The following KDM4C variants were observed in gnomAD, a reference collection of about 807,000 sequenced individuals.
KDM4C encodes lysine demethylase 4C, also known as lysine-specific demethylase 4C.
Under a neutral mutation model 129.3 loss-of-function variants are expected in KDM4C, and 81 were observed. The observed-to-expected ratio is 0.63, with a 90% CI of 0.52 to 0.75. The LOEUF (loss-of-function observed/expected upper bound fraction) is 0.75, where lower values mean the gene tolerates loss of function less well. Ranked by LOEUF, KDM4C falls within the 30% of genes least tolerant of loss-of-function variation. KDM4C has a pLI of 0.00. For synonymous variants in KDM4C, 573 were observed against 456.1 expected, an observed-to-expected ratio of 1.26 and a Z score of -3.26; for missense variants, 1,457 against 1,304.0, an observed-to-expected ratio of 1.12 and a Z score of -1.81.
At chr9:6,764,589 AGT>A (rs890777284) in intron 1 of KDM4C, among the ~76,000 whole-genome samples, 75 of 152,218 alleles carry the variant, frequency 4.9e-4, no homozygotes, top group African/African-American at 1.7e-3. Flanking sequence ...TTATTTTAAG[AGT>A]GTGAATGTTT....
chr9:7,168,672 G>A (rs1180586574), intron 20 of KDM4C, among the ~76,000 whole-genome samples: 2 of 152,124 alleles, frequency 1.3e-5, no homozygotes, highest in African/African-American at 2.4e-5. Context: ...GATTTTCCCA[G>A]CTCCTTTGAT....
chr9:6,730,271 A>G lies in KDM4C; in HGVS notation c.49+9274A>G, dbSNP rs997610394. Among the ~76,000 whole-genome samples, 4 of 152,200 alleles carry G rather than the reference A, an allele frequency of 2.6e-5. No homozygotes were observed. The South Asian group carries it at 8.3e-4, about 31-fold the overall frequency. ...ATTCTAAGCTGAAACTTGATACTTT[A>G]TAGTATGGGCTTGTTAATAGAAAAA... On this transcript the variant is annotated intron_variant, in intron 1 of 17. Transcript: ENST00000536108.
intron 15 of KDM4C, among the ~76,000 whole-genome samples, chr9:7,023,783 T>C (rs1825297032): frequency 6.6e-6 from 1 of 152,210 alleles, no homozygotes; most frequent in African/African-American, 2.4e-5. Context: ...TAAACATTCC[T>C]CTTAGTATTG....
chr9:6,848,895 T>G (rs1838335193), intron 4 of KDM4C, among the ~76,000 whole-genome samples: 1 of 152,200 alleles, frequency 6.6e-6, no homozygotes, highest in African/African-American at 2.4e-5. Flanking sequence ...AGGTAAATAT[T>G]TATTTGAAGC....
At chr9:7,122,265 A>ACACACACACACACTCTCTCTCT (rs375655422) in intron 18 of KDM4C, among the ~76,000 whole-genome samples, 21 of 144,824 alleles carry the variant, frequency 1.5e-4, no homozygotes, top group African/African-American at 5.2e-4. Context: ...ACACACACAC[A>ACACACACACACACTCTCTCTCT]CTCTCTCTCT....
intron 5 of KDM4C, among the ~76,000 whole-genome samples, chr9:6,864,625 T>C (rs1440165233): frequency 6.6e-6 from 1 of 151,986 alleles, no homozygotes; most frequent in Non-Finnish European, 1.5e-5. Context: ...TGTGCCAACA[T>C]GCCCAGCTAA....
intron 5 of KDM4C, among the ~76,000 whole-genome samples, chr9:6,851,040 C>T (rs1467747487): frequency 6.6e-6 from 1 of 152,240 alleles, no homozygotes; most frequent in Non-Finnish European, 1.5e-5. Context: ...CAGGCGTGAG[C>T]CACCACGCCT....
intron 17 of KDM4C, among the ~76,000 whole-genome samples, chr9:7,050,442 CAAAAA>C (rs71500910): frequency 1.3e-5 from 1 of 78,278 alleles, no homozygotes; most frequent in Non-Finnish European, 2.6e-5. Context: ...CCCAGATTAC[CAAAAA>C]AAAAAAAAGA....
intron 4 of KDM4C, among the ~76,000 whole-genome samples, chr9:6,836,264 C>T (rs1024442376): frequency 6.6e-6 from 1 of 152,006 alleles, no homozygotes; most frequent in Non-Finnish European, 1.5e-5. Context: ...CCAGCCTGGC[C>T]AACACGGTGA....
At chr9:7,011,995 C>G in intron 13 of KDM4C, 116 bp downstream of exon 13, 1 of 761,154 alleles carries the variant, frequency 1.3e-6, no homozygotes, top group Non-Finnish European at 2.1e-6. Context: ...GGAAGACGTC[C>G]TTAGGTAGCT....
At chr9:7,082,291 G>A (rs1834615677) in intron 17 of KDM4C, among the ~76,000 whole-genome samples, 1 of 152,200 alleles carries the variant, frequency 6.6e-6, no homozygotes. Context: ...AGGCCCATTA[G>A]GAATAATGTG....
rs538301669 is a variant in KDM4C, at chr9:6,845,686, A to G, written c.436-3821A>G. 1.4e-4 allele frequency among the ~76,000 whole-genome samples: 22 copies of G among 152,332 alleles called. 1 individual carries two copies. The South Asian group carries it at 2.9e-3, about 20-fold the overall frequency. On this transcript the variant is annotated intron_variant, in intron 4 of 21. Transcript: ENST00000381309. Reference sequence around the variant, plus strand: ...AGGATACGTAAAGGAATGGGGCAGGACAGGCTCCAACTGGGTAATTGGCAT... The same window carrying G: ...AGGATACGTAAAGGAATGGGGCAGGGCAGGCTCCAACTGGGTAATTGGCAT...
chr9:6,896,426 G>T (rs1183661751), intron 8 of KDM4C, among the ~76,000 whole-genome samples: 2 of 151,592 alleles, frequency 1.3e-5, no homozygotes, highest in East Asian at 1.9e-4. Context: ...AGAGTGTGGG[G>T]TCTGCATACA....
chr9:6,900,554 G>A (rs1174668687), intron 8 of KDM4C, among the ~76,000 whole-genome samples: 2 of 152,190 alleles, frequency 1.3e-5, no homozygotes, highest in Non-Finnish European at 2.9e-5. Flanking sequence ...AGGACTGCTT[G>A]AGCCCAGGAG....
At chr9:7,031,197 C>G (rs946991834) in intron 15 of KDM4C, among the ~76,000 whole-genome samples, 1 of 151,434 alleles carries the variant, frequency 6.6e-6, no homozygotes, top group Non-Finnish European at 1.5e-5. Flanking sequence ...GAGTCTGGCT[C>G]TGTTGCCCAG....
chr9:6,809,473 C>T (rs1379406304), intron 3 of KDM4C, among the ~76,000 whole-genome samples: 3 of 152,080 alleles, frequency 2.0e-5, no homozygotes, highest in Non-Finnish European at 4.4e-5. Context: ...CTGCTTGGCT[C>T]CTTTGATATT....
chr9:7,036,779 T>C (rs1193581319), intron 15 of KDM4C, among the ~76,000 whole-genome samples: 1 of 152,164 alleles, frequency 6.6e-6, no homozygotes, highest in Non-Finnish European at 1.5e-5. Context: ...CACCCCCCGA[T>C]ATAAGTCAAC....
At chr9:7,066,025 C>A (rs114443513) in intron 17 of KDM4C, among the ~76,000 whole-genome samples, 2 of 151,120 alleles carry the variant, frequency 1.3e-5, no homozygotes, top group Non-Finnish European at 2.9e-5. Context: ...AATTGAGATC[C>A]GCATAAAAAT....
chr9:6,747,880 T>A (rs1467167964), intron 1 of KDM4C, among the ~76,000 whole-genome samples: 4 of 152,014 alleles, frequency 2.6e-5, no homozygotes, highest in Non-Finnish European at 4.4e-5. Context: ...AGGATTTCTT[T>A]CTAGGAAAGA....
Sources: gnomAD v4.1 joint callset for allele counts (sites outside exome capture counted in the v4.1 genomes callset) on GRCh38, gnomAD v4.1.1 for gene constraint, MANE v1.5 for transcripts, NCBI Gene and HGNC (gene_info 2026-07-23, HGNC 2026-07-21) for gene names.